EMCN: variants seen among roughly 807,000 people sequenced by gnomAD.
EMCN encodes the protein endomucin, also known as MUC-14.
A neutral mutation model predicts 38.4 loss-of-function variants in EMCN; 37 were observed. The ratio of observed to expected loss-of-function variants is 0.96; its 90% CI spans 0.74 to 1.27. EMCN has a LOEUF of 1.27. Ranked by LOEUF, EMCN falls within the 50% of genes most tolerant of loss-of-function variation. The pLI is 0.00. For missense variants in EMCN, 318 were observed against 302.8 expected, an observed-to-expected ratio of 1.05 and a Z score of -0.37; for synonymous variants, 95 against 100.8, an observed-to-expected ratio of 0.94 and a Z score of 0.35.
intron 5 of EMCN, among the ~76,000 whole-genome samples, chr4:100,423,606 C>T (rs948683005): frequency 3.3e-5 from 5 of 152,082 alleles, no homozygotes; most frequent in Admixed American, 3.3e-4. Flanking sequence ...AATCACAAAG[C>T]CTGAGTATCA....
At chr4:100,441,912 A>G (rs897806165) in intron 5 of EMCN, among the ~76,000 whole-genome samples, 1 of 152,144 alleles carries the variant, frequency 6.6e-6, no homozygotes, top group African/African-American at 2.4e-5. Flanking sequence ...GATACACATG[A>G]TTTACACACC....
intron 4 of EMCN, among the ~76,000 whole-genome samples, chr4:100,452,228 A>C (rs1049476892): frequency 6.6e-6 from 1 of 152,080 alleles, no homozygotes; most frequent in Non-Finnish European, 1.5e-5. Flanking sequence ...TATAAAAATA[A>C]ACTCCATATT....
intron 1 of EMCN, among the ~76,000 whole-genome samples, chr4:100,481,522 T>A (rs1728805354): frequency 6.6e-6 from 1 of 152,050 alleles, no homozygotes; most frequent in African/African-American, 2.4e-5. Context: ...AGTCAAAAGC[T>A]TTTTTCACCT....
At chr4:100,461,526 A>C (rs1231134617) in intron 4 of EMCN, among the ~76,000 whole-genome samples, 1 of 152,190 alleles carries the variant, frequency 6.6e-6, no homozygotes, top group Non-Finnish European at 1.5e-5. Context: ...TTAATTCAAA[A>C]AGCCCACATT....
At position 100,420,613 on chromosome 4, in the gene EMCN, C is replaced by T. The variant is rs77411346; in HGVS notation, c.664+669G>A. 8.0e-3 allele frequency among the ~76,000 whole-genome samples: 1,219 copies of T among 151,956 alleles called. 22 individuals carry two copies. The highest frequency in any genetic ancestry group is 0.028 in the African/African-American group (1,163 of 41,472). Reference sequence around the variant, plus strand: ...CAAATTTCTTGGAACAGAAAAAAGACTGAGTAAAGACTAAAAGAAATCAGA... The same window carrying T: ...CAAATTTCTTGGAACAGAAAAAAGATTGAGTAAAGACTAAAAGAAATCAGA... On this transcript the variant is annotated intron_variant, in intron 8 of 11. Transcript: ENST00000296420.
chr4:100,444,117 C>A (rs566961156), intron 5 of EMCN, among the ~76,000 whole-genome samples: 1 of 152,122 alleles, frequency 6.6e-6, no homozygotes, highest in Admixed American at 6.5e-5. Flanking sequence ...CACCAGTCCC[C>A]CAAGAGGCAG....
chr4:100,442,168 G>A (rs1254414057), intron 5 of EMCN, among the ~76,000 whole-genome samples: 2 of 152,146 alleles, frequency 1.3e-5, no homozygotes, highest in Non-Finnish European at 2.9e-5. Context: ...ACATAGTATA[G>A]TTGGCTAGCA....
At chr4:100,408,900 T>C (rs971244089) in intron 11 of EMCN, among the ~76,000 whole-genome samples, 12 of 152,230 alleles carry the variant, frequency 7.9e-5, no homozygotes, top group African/African-American at 2.6e-4. Flanking sequence ...TTGCCTCTTT[T>C]CCATAGGGCA....
chr4:100,447,134 C>T (rs546279909), intron 5 of EMCN, among the ~76,000 whole-genome samples: 2 of 152,256 alleles, frequency 1.3e-5, no homozygotes, highest in Admixed American at 6.5e-5. Flanking sequence ...AAATTGTTAA[C>T]TGTGGTTTCT....
chr4:100,517,997 G>T lies in EMCN; in HGVS notation c.-83C>A. The stretch of plus-strand genomic sequence containing the variant: ...CTCCCAGCCTGGCAGGGCCTTATTA[G>T]CAAATGGAAAAGGTGTAGTGAATGT... On this transcript the variant is annotated 5_prime_UTR_variant, in exon 1 of 12. Coordinates refer to ENST00000296420, the MANE Select transcript of EMCN (RefSeq NM_016242.4). The T allele has an allele frequency of 7.3e-7, 1 of 1,361,032 alleles. No homozygotes were observed. The highest frequency in any genetic ancestry group is 1.1e-6 in the Non-Finnish European group (1 of 950,802). 84.3% of individuals were successfully genotyped at this position (1,361,032 alleles called of 1,614,324 possible).
chr4:100,440,752 T>C (rs541226290), intron 5 of EMCN, among the ~76,000 whole-genome samples: 3 of 152,098 alleles, frequency 2.0e-5, no homozygotes, highest in Non-Finnish European at 4.4e-5. Flanking sequence ...GTATTTTTAA[T>C]ATGACGACTT....
intron 4 of EMCN, among the ~76,000 whole-genome samples, chr4:100,456,119 G>A (rs1037962413): frequency 3.3e-5 from 5 of 151,924 alleles, no homozygotes; most frequent in Non-Finnish European, 2.9e-5. Context: ...ATATGTTTTC[G>A]GTCCATCCTT....
chr4:100,500,930 C>T (rs1340054829), intron 1 of EMCN, among the ~76,000 whole-genome samples: 1 of 151,760 alleles, frequency 6.6e-6, no homozygotes, highest in Non-Finnish European at 1.5e-5. Context: ...ATTTTTCTTA[C>T]TGATTTGTAG....
At chr4:100,489,270 T>C (rs1441754634) in intron 1 of EMCN, among the ~76,000 whole-genome samples, 3 of 152,222 alleles carry the variant, frequency 2.0e-5, no homozygotes, top group Non-Finnish European at 4.4e-5. Context: ...CTGATGACTT[T>C]AAAGAGTTCA....
At chr4:100,451,248 A>G (rs971418185) in intron 4 of EMCN, among the ~76,000 whole-genome samples, 43 of 151,886 alleles carry the variant, frequency 2.8e-4, no homozygotes, top group African/African-American at 1.0e-3. Context: ...ATTTAAAGAA[A>G]AACACTAAAA....
chr4:100,489,720 A>C (rs944903941), intron 1 of EMCN, among the ~76,000 whole-genome samples: 4 of 152,178 alleles, frequency 2.6e-5, no homozygotes, highest in African/African-American at 9.7e-5. Context: ...TCAACCCTCT[A>C]TATCTGCACC....
chr4:100,407,299 T>G (rs995792297), intron 11 of EMCN, among the ~76,000 whole-genome samples: 2 of 152,144 alleles, frequency 1.3e-5, no homozygotes, highest in Non-Finnish European at 2.9e-5. Context: ...CATGATTGTG[T>G]TTTTGCTTTA....
At chr4:100,408,122 A>C (rs1163592641) in intron 11 of EMCN, among the ~76,000 whole-genome samples, 1 of 151,998 alleles carries the variant, frequency 6.6e-6, no homozygotes, top group Non-Finnish European at 1.5e-5. Flanking sequence ...CATTCCTTGT[A>C]TGGTTTTGTT....
intron 5 of EMCN, among the ~76,000 whole-genome samples, chr4:100,441,773 C>T (rs947627487): frequency 3.9e-5 from 6 of 152,132 alleles, no homozygotes; most frequent in African/African-American, 1.2e-4. Context: ...AAACTCTATA[C>T]ATTTACCTTT....
Sources: allele counts gnomAD v4.1 joint callset (sites outside exome capture counted in the v4.1 genomes callset), GRCh38; gene constraint gnomAD v4.1.1; transcripts MANE v1.5; gene names NCBI Gene and HGNC (gene_info 2026-07-23, HGNC 2026-07-21).